Variants in COL6A3 observed in about 807,000 individuals in gnomAD.
COL6A3 encodes collagen alpha-3(VI) chain.
A neutral mutation model predicts 274.1 loss-of-function variants in COL6A3; 137 were observed. The ratio of observed to expected loss-of-function variants is 0.50; its 90% CI spans 0.44 to 0.58. The LOEUF (loss-of-function observed/expected upper bound fraction) is 0.58, where lower values mean the gene tolerates loss of function less well. COL6A3 is among the 20% of genes least tolerant of loss of function. The probability of loss-of-function intolerance (pLI) is 0.00; values close to 1 mark genes in which losing one functional copy is unlikely to be tolerated. For missense variants in COL6A3, 3,950 were observed against 4,124.9 expected (o/e 0.96, Z 1.16); for synonymous variants, 1,650 against 1,650.6 (o/e 1.00, Z 0.01).
At chr2:237,380,377 T>C (rs1321182377) in intron 5 of COL6A3, among the ~76,000 whole-genome samples, 2 of 152,258 alleles carry the variant, frequency 1.3e-5, no homozygotes, top group African/African-American at 2.4e-5. Flanking sequence ...AATGAGGGAT[T>C]TGAAGAACCA....
chr2:237,413,091 G>A lies in COL6A3; in HGVS notation c.-31+862C>T, dbSNP rs1394787305. ...AACAGGCTGGCCACTGTCAGCGAAC[G>A]TGTCCATCCTCAGCAAGAGAGGGCC... On this transcript the variant is annotated intron_variant, in intron 1 of 43. Transcript: ENST00000295550. The surrounding 1 kb of genome is among the most constrained non-coding windows in gnomAD (Gnocchi z 4.0). Among the ~76,000 whole-genome samples the A allele has an allele frequency of 1.3e-5, 2 of 152,160 alleles. No homozygotes were observed. The highest frequency in any genetic ancestry group is 6.5e-5 in the Admixed American group (1 of 15,286).
chr2:237,354,984 G>A (rs1288983557), intron 23 of COL6A3, 50 bp from the exon 24 acceptor site: 2 of 1,554,282 alleles, frequency 1.3e-6, no homozygotes, highest in East Asian at 2.3e-5. Context: ...TGGGACGCTG[G>A]GCATGGGGCC....
chr2:237,352,511 G>C lies in COL6A3; in HGVS notation c.6753+11C>G, dbSNP rs2077229139. The C allele has an allele frequency of 6.2e-7, 1 of 1,609,614 alleles. No individual in the cohort carries two copies. Among genetic ancestry groups the C allele is most frequent in the Non-Finnish European group, 8.5e-7 (1 of 1,178,102 alleles). ...CAGCTAGAGAGGGGGCTGGTATTAG[G>C]ACAGGCTTACCCGAGGTCCAGAAAT... On this transcript the variant is annotated intron_variant, in intron 26 of 43. Coordinates refer to ENST00000295550, the MANE Select transcript of COL6A3 (RefSeq NM_004369.4).
At chr2:237,385,643 T>C (rs1405196025) in intron 4 of COL6A3, among the ~76,000 whole-genome samples, 1 of 152,142 alleles carries the variant, frequency 6.6e-6, no homozygotes, top group African/African-American at 2.4e-5. Context: ...TTCTATACTT[T>C]GGGATGCACA....
In COL6A3 at chr2:237,344,776, G is replaced by A; in HGVS notation, c.7242C>T (p.Asn2414=). The A allele has an allele frequency of 6.2e-7, 1 of 1,604,764 alleles. No homozygotes were observed. Residue 2414 remains asparagine (N), a synonymous_variant, in exon 36 of 44, where the codon AAC becomes AAT. Coordinates refer to ENST00000295550, the MANE Select transcript of COL6A3 (RefSeq NM_004369.4). This position sits in a 1 kb window ranked among gnomAD's most constrained non-coding sequence, Gnocchi z 4.8. ...CTCGCATCCGGCCGAAAGTGTCTTG[G>A]TTGACTCCCTCAGAGGTGTCTAAAG... The part of the protein sequence containing the change: ...AFALDTSEGV[N]QDTFGRMRDV...
chr2:237,377,325 C>T lies in COL6A3; in HGVS notation c.2517G>A (p.Leu839=), dbSNP rs187237497. ...LAQPESKRDI[L]FLFDGSANLV... is the part of the protein sequence containing the mutation. ...GATTGGCTGAGCCGTCAAAGAGGAA[C>T]AGAATGTCTCGCTTGCTCTCTGCAA... Residue 839 remains leucine, a synonymous_variant, in exon 7 of 44, where the codon CTG becomes CTA. Transcript: ENST00000295550. The T allele has an allele frequency of 6.9e-6, 11 of 1,600,316 alleles. No homozygotes were observed. The Admixed American group carries it at 1.7e-4, about 24-fold the overall frequency.
intron 7 of COL6A3, 131 bp from the exon 8 acceptor site, chr2:237,375,151 C>A: frequency 7.4e-7 from 1 of 1,354,830 alleles, no homozygotes; most frequent in Non-Finnish European, 1.0e-6. Flanking sequence ...AAGGACTTTG[C>A]AGATGTGATT....
chr2:237,329,925 C>T (rs748548821), intron 42 of COL6A3: 6 of 152,112 alleles, frequency 3.9e-5, no homozygotes, highest in Non-Finnish European at 8.8e-5. Context: ...TACAATTGGC[C>T]CAGTCATGTC....
intron 1 of COL6A3, among the ~76,000 whole-genome samples, chr2:237,411,121 G>A (rs1355763226): frequency 2.0e-5 from 3 of 152,150 alleles, no homozygotes; most frequent in African/African-American, 4.8e-5. Flanking sequence ...GTTTGCTCCC[G>A]TAAGTCAGGG....
chr2:237,392,010 A>T (rs1050649374), intron 3 of COL6A3, among the ~76,000 whole-genome samples: 2 of 152,038 alleles, frequency 1.3e-5, no homozygotes, highest in African/African-American at 4.8e-5. Flanking sequence ...ATTTGGCAGG[A>T]CTGATGCCTG....
chr2:237,366,600 C>T, intron 11 of COL6A3, 87 bp downstream of exon 11: 1 of 1,604,642 alleles, frequency 6.2e-7, no homozygotes, highest in Non-Finnish European at 8.5e-7. Context: ...CCTAAGGACT[C>T]CAGAGGTCAG....
At chr2:237,333,054 C>T in intron 42 of COL6A3, 1 of 312,710 alleles carries the variant, frequency 3.2e-6, no homozygotes, top group South Asian at 3.2e-5. Context: ...TGGATTCCAG[C>T]CAAATTTGTC....
intron 23 of COL6A3, 158 bp downstream of exon 23, chr2:237,357,180 A>G (rs891348708): frequency 2.1e-5 from 16 of 774,768 alleles, no homozygotes; most frequent in Non-Finnish European, 3.8e-5. Context: ...CAGGGAAATT[A>G]TAAGAATGAA....
chr2:237,392,393 T>C (rs1031147295), intron 3 of COL6A3, among the ~76,000 whole-genome samples: 1 of 152,220 alleles, frequency 6.6e-6, no homozygotes, highest in African/African-American at 2.4e-5. Context: ...ATTGCAATCT[T>C]GCAATTCTTC....
intron 28 of COL6A3, 148 bp from the exon 29 acceptor site, chr2:237,348,811 C>T: frequency 1.4e-6 from 1 of 733,826 alleles, no homozygotes. Flanking sequence ...ACACTTCCTG[C>T]TCCTGTCCTA....
chr2:237,381,465 C>T lies in COL6A3; in HGVS notation c.1347G>A (p.Leu449=), dbSNP rs2078004786. Reference sequence around the variant, plus strand: ...GTCCCAGTGCAGATGAGCCATCCACCAGGAAGACTATGTCTCTCTTGTTGA... The same window carrying T: ...GTCCCAGTGCAGATGAGCCATCCACTAGGAAGACTATGTCTCTCTTGTTGA... ...IEVNKRDIVF[L]VDGSSALGLA... Residue 449 remains leucine, a synonymous_variant, in exon 5 of 44, where the codon CTG becomes CTA. Transcript: ENST00000295550. The T allele has an allele frequency of 6.2e-7, 1 of 1,606,592 alleles. No individual in the cohort carries two copies. The highest frequency in any genetic ancestry group is 1.3e-5 in the African/African-American group (1 of 74,920).
rs1015920317 is a variant in COL6A3, at chr2:237,342,284, T to C, written c.7669-123A>G. 1.4e-5 allele frequency: 11 copies of C among 773,096 alleles called. No individual in the cohort carries two copies. The African/African-American group carries it at 1.5e-4, about 11-fold the overall frequency. The allele number at this position is 773,096 out of a possible 1,614,324, so 47.9% of individuals were successfully genotyped here. A position where few individuals can be genotyped will look rare whatever the true frequency, so the allele number is the denominator to read the frequency against. ...AGATTAACTTCCCAATAGGGCAGTA[T>C]TGGGAATATCTTCTCATTTGGGGGT... is the stretch of plus-strand genomic sequence containing the variant. On this transcript the variant is annotated intron_variant, in intron 36 of 43. Transcript: ENST00000295550.
chr2:237,394,762 C>T lies in COL6A3; in HGVS notation c.534G>A (p.Glu178=), dbSNP rs1375292407. 2 of 1,614,102 alleles carry T rather than the reference C, an allele frequency of 1.2e-6. No individual in the cohort carries two copies. The highest frequency in any genetic ancestry group is 1.3e-5 in the African/African-American group (1 of 74,936). ...ADVNVFAIGV[E]DADEGALKEI... is the part of the protein sequence containing the mutation. ...CTTTTAACGCTCCTTCATCTGCATC[C>T]TCAACTCCAATTGCAAACACGTTAA... The change falls in exon 3 of 44, where the codon GAG becomes GAA. Residue 178 remains glutamate, a synonymous_variant. Transcript: ENST00000295550.
In COL6A3 at chr2:237,367,120, G is replaced by C. The variant is rs370475865; in HGVS notation, c.5067C>G (p.Asp1689Glu). ...GLVQYNSDPT[D>E]EFFLKDFSTK... The stretch of plus-strand genomic sequence containing the variant: ...TAGAGAAGTCCTTCAGGAAGAATTC[G>C]TCAGTGGGGTCAGAGTTGTACTGGA... The change falls in exon 11 of 44, where the codon GAC becomes GAG. Residue 1689 changes from aspartate (D) to glutamate (E), a missense_variant. Around this residue, in one of 5 missense-constraint regions of COL6A3, gnomAD observed 632 missense variants for 623.4 expected, o/e 1.01. Transcript: ENST00000295550. 1 of 1,614,068 alleles carries C rather than the reference G, an allele frequency of 6.2e-7. No homozygotes were observed. The highest frequency in any genetic ancestry group is 1.3e-5 in the African/African-American group (1 of 74,928).
Sources: allele counts gnomAD v4.1 joint callset (sites outside exome capture counted in the v4.1 genomes callset), GRCh38; gene constraint gnomAD v4.1.1; regional missense constraint gnomAD v4.1.1; non-coding constraint Gnocchi (gnomAD v3.1); transcripts MANE v1.5; gene names NCBI Gene and HGNC (gene_info 2026-07-23, HGNC 2026-07-21).